MYT1L: variants seen among roughly 807,000 people sequenced by gnomAD.
MYT1L encodes the protein myelin transcription factor 1-like protein.
A neutral mutation model predicts 126.7 loss-of-function variants in MYT1L; 12 were observed. The ratio of observed to expected loss-of-function variants is 0.09; its 90% CI spans 0.06 to 0.15. The LOEUF is 0.15. Ranked by LOEUF, MYT1L falls within the 10% of genes least tolerant of loss-of-function variation. The pLI, the probability that MYT1L is intolerant of heterozygous loss-of-function variation, is 1.00. For missense variants in MYT1L, 979 were observed against 1,585.2 expected (o/e 0.62, Z 6.49); for synonymous variants, 541 against 604.2 (o/e 0.90, Z 1.53).
chr2:1,915,042 C>T (rs555479934), intron 11 of MYT1L, among the ~76,000 whole-genome samples: 155 of 152,188 alleles, frequency 1.0e-3, no homozygotes, highest in African/African-American at 3.5e-3. Flanking sequence ...TGCAGAGCCC[C>T]GGCCTCATGC....
chr2:2,270,552 C>T lies in MYT1L; in HGVS notation c.-421+13852G>A, dbSNP rs553920473. 1.3e-4 allele frequency among the ~76,000 whole-genome samples: 20 copies of T among 151,986 alleles called. No homozygotes were observed. The South Asian group carries it at 2.5e-3, about 19-fold the overall frequency. Reference sequence around the variant, plus strand: ...GAGATTTGCCCCCAAAAATGACACACGAGCAATGAAAAAATTACAGCCAAT... The same window carrying T: ...GAGATTTGCCCCCAAAAATGACACATGAGCAATGAAAAAATTACAGCCAAT... On this transcript the variant is annotated intron_variant, in intron 2 of 24. Transcript: ENST00000647738.
At chr2:2,277,763 G>T (rs1228397317) in intron 2 of MYT1L, among the ~76,000 whole-genome samples, 1 of 152,068 alleles carries the variant, frequency 6.6e-6, no homozygotes. Context: ...AGAAAAAAAT[G>T]GGGTTGTATA....
chr2:2,090,091 C>T (rs2076759802), intron 3 of MYT1L, among the ~76,000 whole-genome samples: 1 of 152,182 alleles, frequency 6.6e-6, no homozygotes, highest in Admixed American at 6.5e-5. Context: ...ATGGGAGTCA[C>T]ATCCTATAAA....
intron 12 of MYT1L, among the ~76,000 whole-genome samples, chr2:1,911,740 C>A (rs7584755): frequency 6.6e-6 from 1 of 152,134 alleles, no homozygotes; most frequent in Non-Finnish European, 1.5e-5. Context: ...CGGAGGACAG[C>A]GAAGGCTTGG....
chr2:2,303,439 T>C (rs2095814868), intron 1 of MYT1L: 1 of 152,458 alleles, frequency 6.6e-6, no homozygotes, highest in Admixed American at 6.5e-5. Context: ...ATGCTTATTT[T>C]CCAAACATAT....
At chr2:2,092,456 T>A (rs1464269559) in intron 3 of MYT1L, among the ~76,000 whole-genome samples, 4 of 152,136 alleles carry the variant, frequency 2.6e-5, no homozygotes, top group Admixed American at 2.6e-4. Context: ...CCAAAGCAGA[T>A]ATGATGATAA....
intron 3 of MYT1L, among the ~76,000 whole-genome samples, chr2:2,111,066 G>A (rs2079388943): frequency 6.6e-6 from 1 of 152,196 alleles, no homozygotes; most frequent in African/African-American, 2.4e-5. Flanking sequence ...TTCCCTTTGA[G>A]GGACACAGCA....
intron 2 of MYT1L, among the ~76,000 whole-genome samples, chr2:2,264,595 C>T (rs1018400874): frequency 5.9e-5 from 9 of 152,172 alleles, no homozygotes; most frequent in South Asian, 4.1e-4. Context: ...TTCTGTGCAA[C>T]GCTGGCCCAA....
chr2:2,120,242 G>C (rs2080805798), intron 3 of MYT1L, among the ~76,000 whole-genome samples: 1 of 152,264 alleles, frequency 6.6e-6, no homozygotes, highest in Middle Eastern at 3.4e-3. Context: ...CCCTGGGAGG[G>C]AGTGGTCGCT....
chr2:2,329,755 A>G (rs1006753165), intron 1 of MYT1L, among the ~76,000 whole-genome samples: 1 of 152,210 alleles, frequency 6.6e-6, no homozygotes, highest in Non-Finnish European at 1.5e-5. Flanking sequence ...TAGTTAATAA[A>G]GAAAATTTAT....
chr2:2,301,270 C>T (rs1200283951), intron 1 of MYT1L, among the ~76,000 whole-genome samples: 1 of 152,096 alleles, frequency 6.6e-6, no homozygotes, highest in Non-Finnish European at 1.5e-5. Flanking sequence ...TTTTTCCTCT[C>T]TCTGTGTTTC....
chr2:2,239,286 G>T (rs2094391132), intron 2 of MYT1L, among the ~76,000 whole-genome samples: 1 of 152,134 alleles, frequency 6.6e-6, no homozygotes, highest in Non-Finnish European at 1.5e-5. Flanking sequence ...GGCAAAGGAA[G>T]GAAAAAGTGA....
At chr2:1,900,080 G>A (rs906111472) in intron 14 of MYT1L, among the ~76,000 whole-genome samples, 3 of 152,124 alleles carry the variant, frequency 2.0e-5, no homozygotes, top group African/African-American at 4.8e-5. Context: ...TCTCCCTTAC[G>A]ACAGGCCCAT....
At chr2:1,871,708 G>A (rs191588842) in intron 18 of MYT1L, among the ~76,000 whole-genome samples, 61 of 152,264 alleles carry the variant, frequency 4.0e-4, no homozygotes, top group African/African-American at 1.5e-3. Context: ...CCTCTTCAGG[G>A]CCTGGCACAA....
intron 2 of MYT1L, among the ~76,000 whole-genome samples, chr2:2,188,526 T>C (rs1431495540): frequency 6.6e-6 from 1 of 152,202 alleles, no homozygotes; most frequent in Non-Finnish European, 1.5e-5. Flanking sequence ...TCCTAATCTA[T>C]TTAAAATGGC....
intron 1 of MYT1L, among the ~76,000 whole-genome samples, chr2:2,316,607 C>T (rs2096068347): frequency 1.3e-5 from 2 of 152,192 alleles, no homozygotes; most frequent in South Asian, 2.1e-4. Context: ...GTAGTAACTG[C>T]AGAGCTGCCA....
chr2:1,796,242 T>C (rs1480380767), intron 23 of MYT1L, among the ~76,000 whole-genome samples: 1 of 152,176 alleles, frequency 6.6e-6, no homozygotes, highest in Non-Finnish European at 1.5e-5. Context: ...CAATCCCTGG[T>C]CTAGACTAAG....
chr2:2,018,087 A>C (rs1238545082), intron 4 of MYT1L, among the ~76,000 whole-genome samples: 2 of 152,250 alleles, frequency 1.3e-5, no homozygotes, highest in Non-Finnish European at 2.9e-5. Flanking sequence ...GATTCAAAAG[A>C]GTAAAGCCTG....
chr2:1,836,655 T>A (rs1218510265), intron 21 of MYT1L, among the ~76,000 whole-genome samples: 10 of 147,958 alleles, frequency 6.8e-5, no homozygotes, highest in Non-Finnish European at 1.5e-4. Context: ...CCCCAATATT[T>A]CATCAGCCTG....
Sources: gnomAD v4.1 joint callset for allele counts (sites outside exome capture counted in the v4.1 genomes callset) on GRCh38, gnomAD v4.1.1 for gene constraint, MANE v1.5 for transcripts, NCBI Gene and HGNC (gene_info 2026-07-23, HGNC 2026-07-21) for gene names.